Variants in DIO2 observed in about 807,000 individuals in gnomAD.
DIO2 encodes type II iodothyronine deiodinase.
In DIO2, 19 loss-of-function variants were observed where a neutral mutation model predicts 21.4. That is an observed-to-expected ratio of 0.89 (90% confidence interval 0.62 to 1.30). The LOEUF is 1.30. DIO2 is among the 50% of genes most tolerant of loss of function. DIO2 has a pLI of 0.00. For synonymous variants in DIO2, 122 were observed against 132.9 expected, an observed-to-expected ratio of 0.92 and a Z score of 0.57; for missense variants, 302 against 338.1, an observed-to-expected ratio of 0.89 and a Z score of 0.84.
chr14:80,229,668 C>A (rs1888646754), intron 2 of DIO2, among the ~76,000 whole-genome samples: 1 of 152,164 alleles, frequency 6.6e-6, no homozygotes, highest in Admixed American at 6.5e-5. Flanking sequence ...AGTGTGCCAT[C>A]TTTTAATCTA....
chr14:80,226,326 T>C (rs1888575456), intron 2 of DIO2, among the ~76,000 whole-genome samples: 1 of 152,234 alleles, frequency 6.6e-6, no homozygotes, highest in African/African-American at 2.4e-5. Context: ...GTGAGCCCAC[T>C]GCCACACTTA....
rs900032543 is a variant in DIO2 at position 80,198,042 on chromosome 14, A to C, written c.*4647T>G. The C allele has an allele frequency of 6.6e-6, 1 of 152,654 alleles. No homozygotes were observed. The highest frequency in any genetic ancestry group is 1.5e-5 in the Non-Finnish European group (1 of 68,052). 9.5% of individuals were successfully genotyped at this position (152,654 alleles called of 1,614,324 possible). ...CCTAATACACATAAAAACCACGCTG[A>C]CCAGTGACATGGGCCTGGAGAAGTC... On this transcript the variant is annotated 3_prime_UTR_variant, in exon 2 of 2. Coordinates refer to ENST00000438257, the MANE Select transcript of DIO2 (RefSeq NM_013989.5).
At chr14:80,223,855 C>A (rs1483525323) in intron 2 of DIO2, among the ~76,000 whole-genome samples, 7 of 152,176 alleles carry the variant, frequency 4.6e-5, no homozygotes, top group Non-Finnish European at 8.8e-5. Context: ...GAAACACATT[C>A]TTTAGACACC....
rs574746067 is a variant in DIO2, at chr14:80,209,352, T to G, written c.222+1899A>C. Among the ~76,000 whole-genome samples, 315 of 148,428 alleles carry G rather than the reference T, an allele frequency of 2.1e-3. 2 individuals carry two copies. The highest frequency in any genetic ancestry group is 5.8e-3 in the African/African-American group (238 of 40,784). ...TATAAGTAAAATTCTTCCAATAAGT[T>G]TTTTTTTTTTTACTTTATAGGCAAA... On this transcript the variant is annotated intron_variant, in intron 1 of 1. Transcript: ENST00000438257.
At chr14:80,220,201 A>G (rs1314983904) in intron 2 of DIO2, among the ~76,000 whole-genome samples, 3 of 152,094 alleles carry the variant, frequency 2.0e-5, no homozygotes, top group Non-Finnish European at 2.9e-5. Context: ...CAGCCTTCTG[A>G]GCAGCTGGGA....
intron 1 of DIO2, among the ~76,000 whole-genome samples, chr14:80,205,981 G>A (rs1414494746): frequency 2.0e-5 from 3 of 151,958 alleles, no homozygotes; most frequent in African/African-American, 7.3e-5. Flanking sequence ...ATGAATCCTG[G>A]GGCCCTCTCA....
intron 2 of DIO2, among the ~76,000 whole-genome samples, chr14:80,218,975 C>T (rs1387394687): frequency 6.6e-6 from 1 of 152,006 alleles, no homozygotes; most frequent in African/African-American, 2.4e-5. Context: ...GAGACTCTGT[C>T]TCAAAAAGAA....
upstream of DIO2, among the ~76,000 whole-genome samples, chr14:80,213,107 G>A (rs1888265513): frequency 6.6e-6 from 1 of 152,174 alleles, no homozygotes; most frequent in Non-Finnish European, 1.5e-5. Context: ...GAAGTTAAGA[G>A]CCGACTGAAT....
intron 1 of DIO2, chr14:80,206,340 T>C (rs752004746): frequency 6.6e-7 from 1 of 1,509,132 alleles, no homozygotes; most frequent in East Asian, 2.4e-5. Context: ...ACAATTTAGC[T>C]AAAATAAAGA....
rs1887528189 is a variant in DIO2, at chr14:80,197,574, T to C, written c.*5115A>G. On this transcript the variant is annotated 3_prime_UTR_variant, in exon 2 of 2. Transcript: ENST00000438257. ...TTTATTAAAATACAAGAACAAATTG[T>C]ATAAGCACACATAGCACTCAGCACC... 1 of 152,668 alleles carries C rather than the reference T, an allele frequency of 6.6e-6. No homozygotes were observed. Among genetic ancestry groups the C allele is most frequent in the Non-Finnish European group, 1.5e-5 (1 of 68,038 alleles). The allele number at this position is 152,668 out of a possible 1,614,324, so 9.5% of individuals were successfully genotyped here. A position where few individuals can be genotyped will look rare whatever the true frequency, so the allele number is the denominator to read the frequency against.
chr14:80,198,878 T>C lies in DIO2; in HGVS notation c.*3811A>G, dbSNP rs1887598364. ...TGTTCTGAAAAGCTCTAAATGCTAG[T>C]AAAGGTTTTCATTAATCCTTCAGTG... On this transcript the variant is annotated 3_prime_UTR_variant, in exon 2 of 2. Coordinates refer to ENST00000438257, the MANE Select transcript of DIO2 (RefSeq NM_013989.5). 1.3e-5 allele frequency: 2 copies of C among 152,000 alleles called. No homozygotes were observed. Among genetic ancestry groups the C allele is most frequent in the African/African-American group, 2.4e-5 (1 of 41,406 alleles). 9.4% of individuals were successfully genotyped at this position (152,000 alleles called of 1,614,324 possible).
upstream of DIO2, among the ~76,000 whole-genome samples, chr14:80,215,270 GT>G (rs1313677594): frequency 1.3e-5 from 2 of 152,172 alleles, no homozygotes; most frequent in Non-Finnish European, 2.9e-5. Context: ...TTGCAAAATT[GT>G]TTAACTTTTT....
chr14:80,230,366 T>G (rs570147858), intron 2 of DIO2, among the ~76,000 whole-genome samples: 112 of 152,288 alleles, frequency 7.4e-4, no homozygotes, highest in African/African-American at 2.6e-3. Flanking sequence ...TATGAGCTTG[T>G]GTCTGTTTTT....
At chr14:80,221,752 A>G (rs968706149) in intron 2 of DIO2, among the ~76,000 whole-genome samples, 8 of 152,208 alleles carry the variant, frequency 5.3e-5, no homozygotes, top group African/African-American at 1.9e-4. Flanking sequence ...ATTCATACAA[A>G]AAACAAGCAA....
chr14:80,202,465 T>G lies in DIO2; in HGVS notation c.*224A>C, dbSNP rs111971363. Reference sequence around the variant, plus strand: ...CTCTCCATCTTGGGATCTTTTCACATAGGGCTTTTTACTAAGAAGAGAGGT... The same window carrying G: ...CTCTCCATCTTGGGATCTTTTCACAGAGGGCTTTTTACTAAGAAGAGAGGT... On this transcript the variant is annotated 3_prime_UTR_variant, in exon 2 of 2. Coordinates refer to ENST00000438257, the MANE Select transcript of DIO2 (RefSeq NM_013989.5). 8 of 740,856 alleles carry G rather than the reference T, an allele frequency of 1.1e-5. No individual in the cohort carries two copies. The highest frequency in any genetic ancestry group is 1.7e-5 in the Non-Finnish European group (7 of 406,988). 45.9% of individuals were successfully genotyped at this position (740,856 alleles called of 1,614,324 possible).
chr14:80,203,210 C>T lies in DIO2; in HGVS notation c.301G>A (p.Gly101Ser). 6.2e-7 allele frequency: 1 copy of T among 1,609,082 alleles called. No individual in the cohort carries two copies. Among genetic ancestry groups the T allele is most frequent in the Non-Finnish European group, 8.5e-7 (1 of 1,177,742 alleles). ...CCCTCAGCTATCTTCTCCTGGGTAC[C>T]ATTGCCACTGTTGTCACCTCCTTCT... The part of the protein sequence containing the change: ...STEGGDNSGN[G>S]TQEKIAEGAT... Residue 101 changes from glycine (G) to serine (S), a missense_variant, in exon 2 of 2, where the codon GGT becomes AGT. Coordinates refer to ENST00000438257, the MANE Select transcript of DIO2 (RefSeq NM_013989.5).
At chr14:80,212,858 A>C (rs2140011630), upstream of DIO2, among the ~76,000 whole-genome samples, 1 of 152,190 alleles carries the variant, frequency 6.6e-6, no homozygotes, top group South Asian at 2.1e-4. Flanking sequence ...AAAAAAAAAA[A>C]AAAATCCAAG....
At chr14:80,207,027 G>A (rs1228307469) in intron 1 of DIO2, among the ~76,000 whole-genome samples, 8 of 152,206 alleles carry the variant, frequency 5.3e-5, no homozygotes, top group Admixed American at 4.6e-4. Context: ...AAGGACATAC[G>A]TAAAATGTGA....
At chr14:80,213,300 T>C (rs935634943), upstream of DIO2, among the ~76,000 whole-genome samples, 4 of 152,192 alleles carry the variant, frequency 2.6e-5, no homozygotes, top group African/African-American at 9.7e-5. Context: ...GAGTTTTAGA[T>C]ACTGGGTAAT....
Sources: allele counts gnomAD v4.1 joint callset (sites outside exome capture counted in the v4.1 genomes callset), GRCh38; gene constraint gnomAD v4.1.1; transcripts MANE v1.5; gene names NCBI Gene and HGNC (gene_info 2026-07-23, HGNC 2026-07-21).